CDH2: variants seen among roughly 807,000 people sequenced by gnomAD.
CDH2 encodes the protein cadherin 2.
CDH2 carries 17 observed loss-of-function variants against 92.0 expected under a neutral mutation model. The observed-to-expected ratio is 0.18, with a 90% confidence interval of 0.13 to 0.28. The LOEUF is 0.28. Among genes scored for constraint, CDH2 ranks in the 10% least tolerant of loss-of-function variants. CDH2 has a pLI of 1.00. For synonymous variants in CDH2, 419 were observed against 415.9 expected, an observed-to-expected ratio of 1.01 and a Z score of -0.09; for missense variants, 862 against 1,133.1, an observed-to-expected ratio of 0.76 and a Z score of 3.44.
chr18:27,952,054 C>CT lies in CDH2; in HGVS notation c.*98dup. On this transcript the variant is annotated 3_prime_UTR_variant, in exon 16 of 16. Coordinates refer to ENST00000269141, the MANE Select transcript of CDH2 (RefSeq NM_001792.5). ...GCCAAAGCCTCCAGCAAGCACTGTGCTAGTAGACTACAAAGTTAAAGCCTA... is the reference window on the plus strand; with the variant it reads ...GCCAAAGCCTCCAGCAAGCACTGTGCTTAGTAGACTACAAAGTTAAAGCCTA... 9.5e-7 allele frequency: 1 copy of CT among 1,053,510 alleles called. No homozygotes were observed. Among genetic ancestry groups the CT allele is most frequent in the African/African-American group, 1.6e-5 (1 of 64,322 alleles). The allele number at this position is 1,053,510 out of a possible 1,614,324, so 65.3% of individuals were successfully genotyped here. A position where few individuals can be genotyped will look rare whatever the true frequency, so the allele number is the denominator to read the frequency against.
chr18:28,166,157 T>TATATATATATATATATATAC (rs1222276992), intron 1 of CDH2, among the ~76,000 whole-genome samples: 1 of 135,546 alleles, frequency 7.4e-6, no homozygotes, highest in East Asian at 2.1e-4. Context: ...CTCATATATA[T>TATATATATATATATATATAC]ATATATATAT....
intron 2 of CDH2, among the ~76,000 whole-genome samples, chr18:28,061,187 A>G (rs1217376431): frequency 6.6e-6 from 1 of 152,128 alleles, no homozygotes; most frequent in African/African-American, 2.4e-5. Flanking sequence ...GGACTTATAT[A>G]TTGTACTTTT....
chr18:27,971,908 A>G (rs972058585), intron 14 of CDH2, among the ~76,000 whole-genome samples: 1 of 152,220 alleles, frequency 6.6e-6, no homozygotes, highest in Admixed American at 6.5e-5. Flanking sequence ...CAAGCAATCA[A>G]ATATACCATA....
At chr18:28,111,281 T>G (rs1016012185) in intron 2 of CDH2, among the ~76,000 whole-genome samples, 4 of 152,196 alleles carry the variant, frequency 2.6e-5, no homozygotes, top group African/African-American at 4.8e-5. Context: ...TAGACAGAGA[T>G]ATTTCGAGGC....
chr18:28,168,894 A>C (rs2016423880), intron 1 of CDH2, among the ~76,000 whole-genome samples: 2 of 152,104 alleles, frequency 1.3e-5, no homozygotes, highest in African/African-American at 4.8e-5. Context: ...TTATACAAAA[A>C]GGGCTGCAGT....
chr18:28,149,540 C>A (rs957291642), intron 1 of CDH2, among the ~76,000 whole-genome samples: 2 of 152,082 alleles, frequency 1.3e-5, no homozygotes, highest in Admixed American at 6.5e-5. Context: ...AGGCACACTG[C>A]AGTATGAAAT....
intron 2 of CDH2, among the ~76,000 whole-genome samples, chr18:28,096,137 G>A (rs1205129120): frequency 5.3e-5 from 8 of 152,142 alleles, no homozygotes; most frequent in Non-Finnish European, 1.0e-4. Flanking sequence ...CACTGGGTAT[G>A]TAAAAGTACA....
At chr18:27,983,119 C>T (rs200259339) in intron 13 of CDH2, 36 bp from the exon 14 acceptor site, 2 of 1,548,122 alleles carry the variant, frequency 1.3e-6, no homozygotes, top group South Asian at 2.3e-5. Flanking sequence ...ATAATATTGT[C>T]ATTTTTAAAG....
chr18:28,003,772 C>A (rs2012837267), intron 6 of CDH2, among the ~76,000 whole-genome samples: 1 of 152,180 alleles, frequency 6.6e-6, no homozygotes, highest in African/African-American at 2.4e-5. Context: ...ACATTGGAAC[C>A]AACTTAGAGA....
chr18:28,028,820 TTAAG>T (rs1262409834), intron 2 of CDH2, among the ~76,000 whole-genome samples: 1 of 152,132 alleles, frequency 6.6e-6, no homozygotes, highest in Non-Finnish European at 1.5e-5. Flanking sequence ...CTGATGTGTA[TTAAG>T]TATTTAACAT....
chr18:28,093,671 C>G (rs1249490135), intron 2 of CDH2, among the ~76,000 whole-genome samples: 1 of 152,148 alleles, frequency 6.6e-6, no homozygotes, highest in Non-Finnish European at 1.5e-5. Context: ...AAATCACCAT[C>G]ACTGCCAGCC....
chr18:28,163,105 A>C (rs1168216105), intron 1 of CDH2, among the ~76,000 whole-genome samples: 3 of 152,210 alleles, frequency 2.0e-5, no homozygotes, highest in Non-Finnish European at 4.4e-5. Context: ...AAGACACTTC[A>C]AGGCAAACCA....
At chr18:27,965,004 T>C (rs987402809) in intron 14 of CDH2, among the ~76,000 whole-genome samples, 2 of 152,178 alleles carry the variant, frequency 1.3e-5, no homozygotes, top group South Asian at 4.1e-4. Context: ...ATACTCACTG[T>C]GGGTCAGGCA....
At chr18:28,041,672 G>A (rs2013950297) in intron 2 of CDH2, among the ~76,000 whole-genome samples, 1 of 152,152 alleles carries the variant, frequency 6.6e-6, no homozygotes, top group Non-Finnish European at 1.5e-5. Context: ...ACAGAATTAA[G>A]AAGCAGTGCA....
chr18:28,176,293 G>C (rs745410102), intron 1 of CDH2, among the ~76,000 whole-genome samples: 2 of 152,170 alleles, frequency 1.3e-5, no homozygotes, highest in Non-Finnish European at 2.9e-5. Context: ...TGAGAGGCCA[G>C]ACTCGTTCTA....
At chr18:27,956,085 C>T (rs1196765412) in intron 15 of CDH2, among the ~76,000 whole-genome samples, 9 of 152,084 alleles carry the variant, frequency 5.9e-5, no homozygotes, top group African/African-American at 9.7e-5. Flanking sequence ...GTAACAGGCA[C>T]GAAATCTGAG....
chr18:28,111,757 T>C (rs1202142207), intron 2 of CDH2, among the ~76,000 whole-genome samples: 6 of 152,192 alleles, frequency 3.9e-5, no homozygotes, highest in African/African-American at 1.4e-4. Context: ...AGTATACTAA[T>C]ATGCAACAGG....
chr18:28,136,208 G>A (rs1288866618), intron 2 of CDH2, among the ~76,000 whole-genome samples: 2 of 152,152 alleles, frequency 1.3e-5, no homozygotes, highest in African/African-American at 4.8e-5. Flanking sequence ...AAGAACATCA[G>A]GAAGGCCAGC....
chr18:28,013,958 C>CAA lies in CDH2; in HGVS notation c.173-51_173-50dup, dbSNP rs201355003. 16 of 1,302,360 alleles carry CAA rather than the reference C, an allele frequency of 1.2e-5. No homozygotes were observed. In the East Asian group the frequency reaches 1.7e-4, roughly 14 times the overall value. The allele number at this position is 1,302,360 out of a possible 1,614,324, so 80.7% of individuals were successfully genotyped here. ...AGTTATTATAATTATACCAAAAAGG[C>CAA]AAAAAAAAACCCCTAATACTTAAAC... is the stretch of plus-strand genomic sequence containing the variant. On this transcript the variant is annotated intron_variant, in intron 2 of 15. Transcript: ENST00000269141.
Sources: allele counts gnomAD v4.1 joint callset (sites outside exome capture counted in the v4.1 genomes callset), GRCh38; gene constraint gnomAD v4.1.1; transcripts MANE v1.5; gene names NCBI Gene and HGNC (gene_info 2026-07-23, HGNC 2026-07-21).